TMEM168: variants seen among roughly 807,000 people sequenced by gnomAD.
The protein encoded by TMEM168 is transmembrane protein 168.
A neutral mutation model predicts 53.2 loss-of-function variants in TMEM168; 40 were observed. The observed-to-expected ratio is 0.75, with a 90% confidence interval of 0.58 to 0.98. TMEM168 has a LOEUF of 0.98. Ranked by LOEUF, TMEM168 falls within the 50% of genes least tolerant of loss-of-function variation. TMEM168 has a pLI of 0.00. For missense variants in TMEM168, 771 were observed against 828.8 expected, an observed-to-expected ratio of 0.93 and a Z score of 0.86; for synonymous variants, 282 against 293.0, an observed-to-expected ratio of 0.96 and a Z score of 0.38.
In TMEM168 at chr7:112,765,015, C is replaced by T. The variant is rs1044796642; in HGVS notation, c.*2182G>A. ...ATTTTTAGTAGCGATGAGGTTTCCC[C>T]ATGTTGGCCAGGCTGGTCTCAAACT... On this transcript the variant is annotated 3_prime_UTR_variant, in exon 5 of 5. Transcript: ENST00000312814. 1.3e-5 allele frequency: 2 copies of T among 152,070 alleles called. No individual in the cohort carries two copies. Among genetic ancestry groups the T allele is most frequent in the African/African-American group, 4.8e-5 (2 of 41,370 alleles). The allele number at this position is 152,070 out of a possible 1,614,324, so 9.4% of individuals were successfully genotyped here.
In TMEM168 at chr7:112,764,261, A is replaced by T. The variant is rs1027697099; in HGVS notation, c.*2936T>A. On this transcript the variant is annotated 3_prime_UTR_variant, in exon 5 of 5. Transcript: ENST00000312814. ...TGTGGTTTTAGCAAGGTATCACATG[A>T]GGAAACAAATACTAAACAAAGTTAT... 1 of 152,034 alleles carries T rather than the reference A, an allele frequency of 6.6e-6. No individual in the cohort carries two copies. The highest frequency in any genetic ancestry group is 1.5e-5 in the Non-Finnish European group (1 of 67,992). The allele number at this position is 152,034 out of a possible 1,614,324, so 9.4% of individuals were successfully genotyped here.
intron 4 of TMEM168, 72 bp downstream of exon 4, chr7:112,772,709 G>T: frequency 6.6e-7 from 1 of 1,508,414 alleles, no homozygotes; most frequent in Non-Finnish European, 9.0e-7. Context: ...TTTAACGACT[G>T]TGTGTGAAGT....
At chr7:112,774,086 A>G (rs913998907) in intron 3 of TMEM168, among the ~76,000 whole-genome samples, 132 of 152,302 alleles carry the variant, frequency 8.7e-4, no homozygotes, top group African/African-American at 2.8e-3. Context: ...AAATTGGGAA[A>G]AAACTTTACT....
chr7:112,783,312 C>T (rs1793279701), intron 2 of TMEM168, among the ~76,000 whole-genome samples: 1 of 152,194 alleles, frequency 6.6e-6, no homozygotes. Context: ...CTTGTTCCTG[C>T]TAGTACTAGT....
chr7:112,778,804 A>G (rs770854106), intron 2 of TMEM168: 1 of 152,234 alleles, frequency 6.6e-6, no homozygotes, highest in Non-Finnish European at 1.5e-5. Flanking sequence ...CTAAATAAGT[A>G]GATATTTAGG....
At position 112,784,909 on chromosome 7, in the gene TMEM168, T is replaced by C; in HGVS notation, c.-84A>G. On this transcript the variant is annotated 5_prime_UTR_variant, in exon 2 of 5. Transcript: ENST00000312814. ...CCAGTATATCCAATGTATCCGCAAC[T>C]CCTATTTCAACATTTTCTCTTGTGG... The C allele has an allele frequency of 8.3e-7, 1 of 1,206,292 alleles. No individual in the cohort carries two copies. Among genetic ancestry groups the C allele is most frequent in the East Asian group, 2.6e-5 (1 of 37,982 alleles). 74.7% of individuals were successfully genotyped at this position (1,206,292 alleles called of 1,614,324 possible).
chr7:112,783,792 G>A lies in TMEM168; in HGVS notation c.1034C>T (p.Ala345Val). The A allele has an allele frequency of 1.9e-6, 3 of 1,596,718 alleles. No homozygotes were observed. The highest frequency in any genetic ancestry group is 2.6e-6 in the Non-Finnish European group (3 of 1,172,498). Residue 345 changes from alanine to valine, a missense_variant, in exon 2 of 5, where the codon GCA becomes GTA. Transcript: ENST00000312814. ...TDYNSLDRIM[A>V]SKGMRHFCLI... ...GCAAAAATGGCGCATCCCTTTGGAT[G>A]CCATGATTCTATCAAGGCTATTGTA... is the stretch of plus-strand genomic sequence containing the variant.
At chr7:112,768,229 T>C (rs1001180002) in intron 4 of TMEM168, among the ~76,000 whole-genome samples, 6 of 152,230 alleles carry the variant, frequency 3.9e-5, no homozygotes, top group African/African-American at 1.4e-4. Flanking sequence ...ATTTGTTTCA[T>C]ATAATTATTT....
chr7:112,788,297 G>C (rs958076046), intron 1 of TMEM168, among the ~76,000 whole-genome samples: 3 of 151,894 alleles, frequency 2.0e-5, no homozygotes, highest in Non-Finnish European at 4.4e-5. Context: ...CTCTACTTAA[G>C]TGCACACATA....
At chr7:112,778,468 T>C (rs1793149122) in intron 2 of TMEM168, 1 of 152,236 alleles carries the variant, frequency 6.6e-6, no homozygotes. Context: ...TTAAAACTTA[T>C]TTTATGTTTC....
intron 4 of TMEM168, 66 bp downstream of exon 4, chr7:112,772,715 G>A (rs1792959584): frequency 6.6e-7 from 1 of 1,523,012 alleles, no homozygotes; most frequent in African/African-American, 1.4e-5. Flanking sequence ...GACTGTGTGT[G>A]AAGTACAGAT....
chr7:112,782,210 G>T (rs890136172), intron 2 of TMEM168, among the ~76,000 whole-genome samples: 1 of 152,124 alleles, frequency 6.6e-6, no homozygotes, highest in East Asian at 1.9e-4. Flanking sequence ...TCAACTTTAG[G>T]AAAGAGTAGA....
intron 3 of TMEM168, among the ~76,000 whole-genome samples, chr7:112,774,832 C>T (rs1257159736): frequency 2.6e-5 from 4 of 151,978 alleles, no homozygotes; most frequent in East Asian, 1.9e-4. Flanking sequence ...CCGCCCGCCT[C>T]GGCCTCCTAA....
chr7:112,789,201 CAGAT>C (rs1793475324), intron 1 of TMEM168, among the ~76,000 whole-genome samples: 1 of 152,178 alleles, frequency 6.6e-6, no homozygotes, highest in Admixed American at 6.5e-5. Context: ...CTTCAGGTCT[CAGAT>C]AAATCATTTT....
chr7:112,772,702 A>G (rs1562862154), intron 4 of TMEM168, 79 bp downstream of exon 4: 2 of 1,493,548 alleles, frequency 1.3e-6, no homozygotes, highest in Non-Finnish European at 1.8e-6. Flanking sequence ...CTGGAAATTT[A>G]ACGACTGTGT....
At position 112,767,239 on chromosome 7, in the gene TMEM168, A is replaced by G. The variant is rs1792803518; in HGVS notation, c.2052T>C (p.Thr684=). 1 of 1,614,010 alleles carries G rather than the reference A, an allele frequency of 6.2e-7. No individual in the cohort carries two copies. The highest frequency in any genetic ancestry group is 1.3e-5 in the African/African-American group (1 of 74,932). The part of the protein sequence containing the change: ...KRLKMSWFLP[T]VLDTGQGFKL... ...TGAAGCCTTGTCCTGTGTCCAGCAC[A>G]GTAGGAAGAAACCAACTCATTTTTA... The change falls in exon 5 of 5, where the codon ACT becomes ACC. Residue 684 remains threonine (T), a synonymous_variant. Transcript: ENST00000312814.
At chr7:112,773,827 T>G (rs1337138038) in intron 3 of TMEM168, among the ~76,000 whole-genome samples, 1 of 152,178 alleles carries the variant, frequency 6.6e-6, no homozygotes, top group African/African-American at 2.4e-5. Flanking sequence ...ACTATTCTAC[T>G]AACTTTTTTT....
rs73205167 is a variant in TMEM168, at chr7:112,784,595, G to A, written c.231C>T (p.Ile77=). ...IFILGLFVLG[I]ASILYYYFSM... ...AAAAATAGTAATAGAGTATGCTGGC[G>A]ATTCCAAGAACAAAAAGACCAAGAA... is the stretch of plus-strand genomic sequence containing the variant. The change falls in exon 2 of 5, where the codon ATC becomes ATT. Residue 77 remains isoleucine, a synonymous_variant. Transcript: ENST00000312814. The A allele has an allele frequency of 0.021, 33,666 of 1,611,988 alleles. 395 individuals are homozygous for A. The highest frequency in any genetic ancestry group is 0.023 in the South Asian group (2,122 of 90,424).
chr7:112,787,713 A>ATTTTTTTTTTTTTTTTTTTTTTTTTTTT (rs71155069), intron 1 of TMEM168, among the ~76,000 whole-genome samples: 2 of 38,768 alleles, frequency 5.2e-5, no homozygotes, highest in African/African-American at 2.1e-4. Flanking sequence ...TGCGACTGGC[A>ATTTTTTTTTTTTTTTTTTTTTTTTTTTT]TTTTTTTTTT....
Sources: allele counts gnomAD v4.1 joint callset (sites outside exome capture counted in the v4.1 genomes callset), GRCh38; gene constraint gnomAD v4.1.1; transcripts MANE v1.5; gene names NCBI Gene and HGNC (gene_info 2026-07-23, HGNC 2026-07-21).